SLC12A8: variants seen among roughly 807,000 people sequenced by gnomAD.
SLC12A8 encodes cation-chloride cotransporter 9.
A neutral mutation model predicts 75.6 loss-of-function variants in SLC12A8; 69 were observed. The ratio of observed to expected loss-of-function variants is 0.91; its 90% CI spans 0.75 to 1.11. SLC12A8 has a LOEUF of 1.11. SLC12A8 is among the 50% of genes most tolerant of loss of function. The pLI is 0.00. For missense variants in SLC12A8, 877 were observed against 896.7 expected, an observed-to-expected ratio of 0.98 and a Z score of 0.28; for synonymous variants, 365 against 372.8, an observed-to-expected ratio of 0.98 and a Z score of 0.24.
chr3:125,111,015 T>C (rs960796323), intron 8 of SLC12A8, among the ~76,000 whole-genome samples: 3 of 152,176 alleles, frequency 2.0e-5, no homozygotes, highest in African/African-American at 7.2e-5. Flanking sequence ...CTCCTAATTG[T>C]GCTACAAAAC....
At chr3:125,159,171 A>G (rs2107776535) in intron 5 of SLC12A8, among the ~76,000 whole-genome samples, 1 of 152,364 alleles carries the variant, frequency 6.6e-6, no homozygotes, top group East Asian at 1.9e-4. Context: ...TTGTCATTGA[A>G]AAATATTAAT....
chr3:125,205,389 T>A (rs1245655334), intron 2 of SLC12A8, among the ~76,000 whole-genome samples: 1 of 152,100 alleles, frequency 6.6e-6, no homozygotes, highest in African/African-American at 2.4e-5. Flanking sequence ...CCTAACTCAT[T>A]TCAGTGAAGA....
At chr3:125,193,845 G>T (rs1271615451) in intron 2 of SLC12A8, among the ~76,000 whole-genome samples, 2 of 152,166 alleles carry the variant, frequency 1.3e-5, no homozygotes, top group East Asian at 1.9e-4. Context: ...TGGGGTGATG[G>T]TTGCTGAAGC....
At chr3:125,199,211 T>A (rs1021073692) in intron 2 of SLC12A8, among the ~76,000 whole-genome samples, 3 of 152,212 alleles carry the variant, frequency 2.0e-5, no homozygotes, top group Admixed American at 2.0e-4. Flanking sequence ...CTGCAAATTG[T>A]TTTTATATGG....
Position 125,107,995 on chromosome 3 carries a change from T to C in SLC12A8, c.1191A>G (p.Ala397=). 1.9e-6 allele frequency: 3 copies of C among 1,614,158 alleles called. No homozygotes were observed. The highest frequency in any genetic ancestry group is 2.5e-6 in the Non-Finnish European group (3 of 1,180,006). ...ACAGGGAGAAGTAAGAGTAGTCCACTGCAACGTATGTCAGCATGAAGTTGA... is the reference window on the plus strand; with the variant it reads ...ACAGGGAGAAGTAAGAGTAGTCCACCGCAACGTATGTCAGCATGAAGTTGA... ...VTINFMLTYV[A]VDYSYFSLSM... The change falls in exon 10 of 14, where the codon GCA becomes GCG. Residue 397 remains alanine, a synonymous_variant. Coordinates refer to ENST00000469902, the MANE Select transcript of SLC12A8 (RefSeq NM_024628.6).
At chr3:125,092,478 A>T (rs1194660313) in intron 10 of SLC12A8, among the ~76,000 whole-genome samples, 3 of 152,160 alleles carry the variant, frequency 2.0e-5, no homozygotes, top group Admixed American at 6.5e-5. Flanking sequence ...CTGGAAGCTC[A>T]GCTCTCCCCT....
intron 6 of SLC12A8, among the ~76,000 whole-genome samples, chr3:125,135,147 G>C (rs975292548): frequency 6.6e-6 from 1 of 152,194 alleles, no homozygotes; most frequent in Non-Finnish European, 1.5e-5. Flanking sequence ...TCACCCCCGC[G>C]ATACTGGTTT....
At chr3:125,144,630 CT>C (rs1444376189) in intron 5 of SLC12A8, among the ~76,000 whole-genome samples, 2 of 152,208 alleles carry the variant, frequency 1.3e-5, no homozygotes, top group African/African-American at 4.8e-5. Flanking sequence ...CCAGCCACCA[CT>C]TATTCCTTCT....
intron 5 of SLC12A8, among the ~76,000 whole-genome samples, chr3:125,170,778 G>A (rs571904883): frequency 6.6e-6 from 1 of 152,334 alleles, no homozygotes; most frequent in South Asian, 2.1e-4. Context: ...AGCCGAGCAT[G>A]GTGGCGGGCG....
intron 5 of SLC12A8, among the ~76,000 whole-genome samples, chr3:125,145,659 A>G (rs1023561944): frequency 7.1e-6 from 1 of 141,510 alleles, no homozygotes; most frequent in African/African-American, 2.5e-5. Flanking sequence ...ACCAAACCCT[A>G]TATATACTAT....
chr3:125,191,032 C>T (rs1934900159), intron 2 of SLC12A8, among the ~76,000 whole-genome samples: 1 of 152,190 alleles, frequency 6.6e-6, no homozygotes, highest in Non-Finnish European at 1.5e-5. Context: ...CGGCAGTTGA[C>T]ATTTGGCCAA....
At chr3:125,159,147 T>G (rs1053109013) in intron 5 of SLC12A8, among the ~76,000 whole-genome samples, 1 of 152,272 alleles carries the variant, frequency 6.6e-6, no homozygotes, top group Non-Finnish European at 1.5e-5. Context: ...AAAAATTTTT[T>G]AAGTATGGTT....
chr3:125,196,501 T>C (rs978576544), intron 2 of SLC12A8, among the ~76,000 whole-genome samples: 28 of 152,278 alleles, frequency 1.8e-4, no homozygotes, highest in African/African-American at 6.5e-4. Context: ...ACTAAGGAAA[T>C]AAGAGAAGAA....
intron 5 of SLC12A8, among the ~76,000 whole-genome samples, 182 bp downstream of exon 5, chr3:125,177,561 C>G (rs981300136): frequency 7.9e-5 from 12 of 151,904 alleles, no homozygotes; most frequent in Non-Finnish European, 1.5e-4. Context: ...TGAAGAGGAG[C>G]TTCTAGCCTC....
chr3:125,181,431 C>G (rs1304263727), intron 4 of SLC12A8, among the ~76,000 whole-genome samples: 1 of 149,180 alleles, frequency 6.7e-6, no homozygotes, highest in African/African-American at 2.5e-5. Context: ...GAAACCCCGT[C>G]TCTACTAAAA....
intron 5 of SLC12A8, among the ~76,000 whole-genome samples, chr3:125,168,931 C>T (rs1267672664): frequency 6.6e-6 from 1 of 152,180 alleles, no homozygotes; most frequent in Non-Finnish European, 1.5e-5. Context: ...ACTGATCCAC[C>T]TCCCACAGAT....
chr3:125,139,048 AAT>A (rs1323115868), intron 5 of SLC12A8, among the ~76,000 whole-genome samples: 1 of 152,214 alleles, frequency 6.6e-6, no homozygotes, highest in African/African-American at 2.4e-5. Flanking sequence ...GTCATCAAAA[AAT>A]ATCTTTTAGG....
chr3:125,132,451 A>G (rs1335956934), intron 6 of SLC12A8, among the ~76,000 whole-genome samples: 1 of 152,180 alleles, frequency 6.6e-6, no homozygotes. Context: ...TGGTAGACAT[A>G]AGGAGAAGTA....
chr3:125,093,005 G>A (rs1353474414), intron 10 of SLC12A8, among the ~76,000 whole-genome samples: 1 of 152,052 alleles, frequency 6.6e-6, no homozygotes, highest in Non-Finnish European at 1.5e-5. Flanking sequence ...ACCTTTCCGA[G>A]TCTCCAAAGT....
Sources: gnomAD v4.1 joint callset for allele counts (sites outside exome capture counted in the v4.1 genomes callset) on GRCh38, gnomAD v4.1.1 for gene constraint, MANE v1.5 for transcripts, NCBI Gene and HGNC (gene_info 2026-07-23, HGNC 2026-07-21) for gene names.